KLHL24: variants seen among roughly 807,000 people sequenced by gnomAD.
KLHL24 encodes kelch-like protein 24.
In KLHL24, 29 loss-of-function variants were observed where a neutral mutation model predicts 53.4. The observed-to-expected ratio is 0.54, with a 90% CI of 0.40 to 0.74. The LOEUF is 0.74. Among genes scored for constraint, KLHL24 ranks in the 30% least tolerant of loss-of-function variants. The probability of loss-of-function intolerance (pLI) is 0.00; values close to 1 mark genes in which losing one functional copy is unlikely to be tolerated. For missense variants in KLHL24, 504 were observed against 744.0 expected (o/e 0.68, Z 3.75); for synonymous variants, 222 against 253.7 (o/e 0.88, Z 1.19).
intron 1 of KLHL24, among the ~76,000 whole-genome samples, chr3:183,636,909 C>T (rs1266286754): frequency 6.6e-6 from 1 of 152,098 alleles, no homozygotes; most frequent in Non-Finnish European, 1.5e-5. Context: ...ATCCTGCAGG[C>T]AGTTCTGGGC....
At chr3:183,636,037 G>C (rs1400522622) in intron 1 of KLHL24, among the ~76,000 whole-genome samples, 2 of 152,038 alleles carry the variant, frequency 1.3e-5, no homozygotes, top group African/African-American at 4.8e-5. Context: ...CTGGCACTAC[G>C]GCCCGGAACC....
chr3:183,669,141 A>G (rs1720985283), intron 5 of KLHL24, among the ~76,000 whole-genome samples: 1 of 152,104 alleles, frequency 6.6e-6, no homozygotes, highest in Admixed American at 6.6e-5. Flanking sequence ...TTAAAGTTTA[A>G]TCCTCAAAAT....
chr3:183,663,547 C>T lies in KLHL24; in HGVS notation c.1010C>T (p.Pro337Leu), dbSNP rs1395498663. 11 of 1,609,010 alleles carry T rather than the reference C, an allele frequency of 6.8e-6. No homozygotes were observed. The highest frequency in any genetic ancestry group is 9.3e-6 in the Non-Finnish European group (11 of 1,176,910). Residue 337 changes from proline (P) to leucine (L), a missense_variant, in exon 4 of 8, where the codon CCT becomes CTT. Transcript: ENST00000242810. This position sits in a 1 kb window ranked among gnomAD's most constrained non-coding sequence, Gnocchi z 4.9. ...FNLPYTECYD[P>L]VTGEWKSLAK... The stretch of plus-strand genomic sequence containing the variant: ...CTTCCATACACTGAGTGCTACGATC[C>T]TGTAACAGGAGAATGGAAGTCTTTG...
At chr3:183,656,696 A>G (rs984794983) in intron 3 of KLHL24, among the ~76,000 whole-genome samples, 6 of 151,928 alleles carry the variant, frequency 3.9e-5, no homozygotes, top group African/African-American at 1.5e-4. Flanking sequence ...CCTCATCCCA[A>G]TTCATGAATA....
intron 3 of KLHL24, among the ~76,000 whole-genome samples, chr3:183,657,421 C>T (rs372374405): frequency 4.6e-5 from 7 of 152,292 alleles, no homozygotes; most frequent in Admixed American, 6.5e-5. Flanking sequence ...CTATCTCTTA[C>T]CTGATAATCA....
Position 183,676,902 on chromosome 3 carries a change from G to GT in KLHL24, c.1603-2178dup, listed in dbSNP as rs1231843305. 4.8e-4 allele frequency among the ~76,000 whole-genome samples: 64 copies of GT among 132,260 alleles called. 1 individual carries two copies. Among genetic ancestry groups the GT allele is most frequent in the Admixed American group, 4.8e-3 (64 of 13,316 alleles). 86.8% of individuals were successfully genotyped at this position (132,260 alleles called of 152,430 possible). On this transcript the variant is annotated intron_variant, in intron 7 of 7. Transcript: ENST00000242810. Reference sequence around the variant, plus strand: ...TTAAGCATACAAAAATAACGAGAGGGTTTTTTGGTTTTTTTTTTTTTTCTT... The same window carrying GT: ...TTAAGCATACAAAAATAACGAGAGGGTTTTTTTGGTTTTTTTTTTTTTTCTT...
Position 183,651,427 on chromosome 3 carries a change from T to A in KLHL24, c.920+151T>A, listed in dbSNP as rs573107156. 1.0e-4 allele frequency: 62 copies of A among 612,730 alleles called. 2 individuals carry two copies. In the South Asian group the frequency reaches 1.4e-3, roughly 13 times the overall value. The allele number at this position is 612,730 out of a possible 1,614,324, so 38.0% of individuals were successfully genotyped here. A position where few individuals can be genotyped will look rare whatever the true frequency, so the allele number is the denominator to read the frequency against. Reference sequence around the variant, plus strand: ...TATTTTGGATTATATGTCACTAGAATGTCTTTCCTAGTGAATTCTAGATTC... The same window carrying A: ...TATTTTGGATTATATGTCACTAGAAAGTCTTTCCTAGTGAATTCTAGATTC... On this transcript the variant is annotated intron_variant, in intron 3 of 7. Coordinates refer to ENST00000242810, the MANE Select transcript of KLHL24 (RefSeq NM_017644.3).
In KLHL24 at chr3:183,651,203, C is replaced by A; in HGVS notation, c.847C>A (p.Gln283Lys). The change falls in exon 3 of 8, where the codon CAG (glutamine) becomes AAG (lysine). Residue 283 changes from glutamine to lysine, a missense_variant. Physicochemically the swap from Gln to Lys is moderately conservative, Grantham distance 53 (BLOSUM62 1). Coordinates refer to ENST00000242810, the MANE Select transcript of KLHL24 (RefSeq NM_017644.3). ...GATCCAGAATTCTCCTGAGTGTTAT[C>A]AGTTGTTGCATGAAGCAAGACGGTA... ...QLIQNSPECY[Q>K]LLHEARRYHI... is the part of the protein sequence containing the mutation. The A allele has an allele frequency of 6.2e-7, 1 of 1,614,148 alleles. No homozygotes were observed. The highest frequency in any genetic ancestry group is 1.1e-5 in the South Asian group (1 of 91,080).
chr3:183,657,559 AT>A (rs1282527568), intron 3 of KLHL24, among the ~76,000 whole-genome samples: 1 of 152,228 alleles, frequency 6.6e-6, no homozygotes, highest in East Asian at 1.9e-4. Flanking sequence ...GTTTGTCATT[AT>A]TTAATAAATC....
rs561800193 is a variant in KLHL24 at position 183,651,926 on chromosome 3, A to G, written c.920+650A>G. On this transcript the variant is annotated intron_variant, in intron 3 of 7. Transcript: ENST00000242810. The stretch of plus-strand genomic sequence containing the variant: ...CTCTTACTGCTCTCCAGCCTGGGCA[A>G]CAGAGTGAGACTCTGTCTCAAAAAA... Among the ~76,000 whole-genome samples, 3 of 150,386 alleles carry G rather than the reference A, an allele frequency of 2.0e-5. No individual in the cohort carries two copies. In the South Asian group the frequency reaches 6.3e-4, roughly 31 times the overall value.
chr3:183,638,214 C>G (rs914524474), intron 1 of KLHL24, among the ~76,000 whole-genome samples: 1 of 152,176 alleles, frequency 6.6e-6, no homozygotes, highest in Non-Finnish European at 1.5e-5. Context: ...CTTGCTTATT[C>G]AAACAAAGCC....
At chr3:183,648,886 C>T (rs2108790621) in intron 2 of KLHL24, among the ~76,000 whole-genome samples, 1 of 152,120 alleles carries the variant, frequency 6.6e-6, no homozygotes, top group South Asian at 2.1e-4. Flanking sequence ...GCCTGTAGTC[C>T]CAGCTACTCG....
Position 183,651,128 on chromosome 3 carries a change from C to T in KLHL24, c.772C>T (p.Pro258Ser), listed in dbSNP as rs1376540023. The T allele has an allele frequency of 6.2e-7, 1 of 1,614,094 alleles. No individual in the cohort carries two copies. Among genetic ancestry groups the T allele is most frequent in the Non-Finnish European group, 8.5e-7 (1 of 1,180,012 alleles). The stretch of plus-strand genomic sequence containing the variant: ...CGAGCTCCTGACACATGTGAGACTC[C>T]CTCTGTTGCATCCCAACTACTTTGT... ...LHELLTHVRL[P>S]LLHPNYFVQT... The change falls in exon 3 of 8, where the codon CCT becomes TCT. Residue 258 changes from proline to serine, a missense_variant. Transcript: ENST00000242810.
chr3:183,640,340 T>C (rs1020257666), intron 1 of KLHL24, among the ~76,000 whole-genome samples: 5 of 152,204 alleles, frequency 3.3e-5, no homozygotes, highest in African/African-American at 9.6e-5. Context: ...ATATTTTTTT[T>C]CCTGTGATTT....
intron 1 of KLHL24, among the ~76,000 whole-genome samples, chr3:183,641,206 A>T (rs191580058): frequency 6.2e-4 from 94 of 152,296 alleles, no homozygotes; most frequent in African/African-American, 2.1e-3. Context: ...TAAATAAAAG[A>T]TGTACTGGCC....
At chr3:183,654,231 G>A (rs945834658) in intron 3 of KLHL24, among the ~76,000 whole-genome samples, 2 of 151,904 alleles carry the variant, frequency 1.3e-5, no homozygotes, top group Non-Finnish European at 2.9e-5. Flanking sequence ...TTCTCCTCTT[G>A]GTCCTCCTAT....
chr3:183,637,124 T>C (rs921718620), intron 1 of KLHL24, among the ~76,000 whole-genome samples: 7 of 152,226 alleles, frequency 4.6e-5, no homozygotes, highest in Admixed American at 2.0e-4. Context: ...GCAGTGGCTG[T>C]TCACAATTGA....
chr3:183,645,490 A>T (rs1271205314), intron 2 of KLHL24, among the ~76,000 whole-genome samples: 1 of 152,254 alleles, frequency 6.6e-6, no homozygotes, highest in Non-Finnish European at 1.5e-5. Flanking sequence ...ATCCACACAA[A>T]TATATGGGCA....
Position 183,650,902 on chromosome 3 carries a change from A to G in KLHL24, c.546A>G (p.Thr182=), listed in dbSNP as rs752194142. 5.6e-6 allele frequency: 9 copies of G among 1,613,984 alleles called. No homozygotes were observed. The highest frequency in any genetic ancestry group is 6.8e-6 in the Non-Finnish European group (8 of 1,180,034). ...TTGCTGATACCCATTCACTCAAAACACTCTTCACAAAATGCAAAAATTTTG... is the reference window on the plus strand; with the variant it reads ...TTGCTGATACCCATTCACTCAAAACGCTCTTCACAAAATGCAAAAATTTTG... ...QRFADTHSLK[T]LFTKCKNFAL... Residue 182 remains threonine (T), a synonymous_variant, in exon 3 of 8, where the codon ACA becomes ACG. Coordinates refer to ENST00000242810, the MANE Select transcript of KLHL24 (RefSeq NM_017644.3). This position sits in a 1 kb window ranked among gnomAD's most constrained non-coding sequence, Gnocchi z 4.5.
Sources: allele counts gnomAD v4.1 joint callset (sites outside exome capture counted in the v4.1 genomes callset), GRCh38; gene constraint gnomAD v4.1.1; non-coding constraint Gnocchi (gnomAD v3.1); transcripts MANE v1.5; gene names NCBI Gene and HGNC (gene_info 2026-07-23, HGNC 2026-07-21).